The following CDH12 variants were observed in gnomAD, a reference collection of about 807,000 sequenced individuals.
CDH12 encodes cadherin-12.
In CDH12, 41 loss-of-function variants were observed where a neutral mutation model predicts 74.1. That is an observed-to-expected ratio of 0.55 (90% CI 0.43 to 0.72). CDH12 has a LOEUF of 0.72. Among genes scored for constraint, CDH12 ranks in the 30% least tolerant of loss-of-function variants. The pLI, the probability that CDH12 is intolerant of heterozygous loss-of-function variation, is 0.00. For synonymous variants in CDH12, 399 were observed against 355.0 expected, an observed-to-expected ratio of 1.12 and a Z score of -1.39; for missense variants, 945 against 977.2, an observed-to-expected ratio of 0.97 and a Z score of 0.44.
chr5:22,565,225 C>T (rs1032355990), intron 1 of CDH12, among the ~76,000 whole-genome samples: 5 of 152,142 alleles, frequency 3.3e-5, no homozygotes, highest in Admixed American at 2.6e-4. Context: ...TGAGCTACCA[C>T]GCCTGGCTTT....
intron 1 of CDH12, among the ~76,000 whole-genome samples, chr5:22,642,340 G>C (rs889856714): frequency 6.6e-6 from 1 of 152,142 alleles, no homozygotes; most frequent in African/African-American, 2.4e-5. Context: ...TAAATTATTT[G>C]AGGCAGTTTC....
At chr5:22,560,820 T>C (rs1028944070) in intron 1 of CDH12, among the ~76,000 whole-genome samples, 1 of 152,184 alleles carries the variant, frequency 6.6e-6, no homozygotes, top group Non-Finnish European at 1.5e-5. Flanking sequence ...GTGAAACTTC[T>C]AAGGATCAGA....
intron 1 of CDH12, among the ~76,000 whole-genome samples, chr5:22,612,663 T>A (rs1737470206): frequency 6.6e-6 from 1 of 152,150 alleles, no homozygotes; most frequent in African/African-American, 2.4e-5. Flanking sequence ...ATTTGGTATT[T>A]AAATTGACAG....
chr5:22,542,992 A>T (rs1483833917), intron 1 of CDH12, among the ~76,000 whole-genome samples: 1 of 152,214 alleles, frequency 6.6e-6, no homozygotes, highest in African/African-American at 2.4e-5. Flanking sequence ...AAAAAGTCAG[A>T]GAAAGCTCTG....
chr5:22,343,222 T>A (rs1400922775), intron 3 of CDH12, among the ~76,000 whole-genome samples: 4 of 150,892 alleles, frequency 2.7e-5, no homozygotes, highest in Non-Finnish European at 5.9e-5. Flanking sequence ...CAATCTTCCA[T>A]CCATCAGAAT....
intron 3 of CDH12, among the ~76,000 whole-genome samples, chr5:22,359,295 A>C (rs2150471855): frequency 6.6e-6 from 1 of 152,320 alleles, no homozygotes; most frequent in African/African-American, 2.4e-5. Context: ...CTCTGAAAAA[A>C]CAGATTTTAA....
chr5:21,880,623 CTTTCTT>C (rs1227757367), intron 6 of CDH12, among the ~76,000 whole-genome samples: 8 of 58,756 alleles, frequency 1.4e-4, no homozygotes, highest in Non-Finnish European at 3.4e-5. Flanking sequence ...TTCCTTCTTT[CTTTCTT>C]TCTTTCTTTC....
At chr5:22,644,353 C>T (rs1358671869) in intron 1 of CDH12, among the ~76,000 whole-genome samples, 1 of 152,010 alleles carries the variant, frequency 6.6e-6, no homozygotes, top group Admixed American at 6.6e-5. Flanking sequence ...TGCAAAACAG[C>T]CTTATTGCTA....
At chr5:22,567,910 A>C (rs1393669217) in intron 1 of CDH12, among the ~76,000 whole-genome samples, 1 of 152,190 alleles carries the variant, frequency 6.6e-6, no homozygotes, top group Non-Finnish European at 1.5e-5. Flanking sequence ...GCCCTGGTCA[A>C]TCCCAGTGTG....
chr5:22,096,926 C>T (rs1482616800), intron 4 of CDH12, among the ~76,000 whole-genome samples: 2 of 152,164 alleles, frequency 1.3e-5, no homozygotes, highest in Non-Finnish European at 2.9e-5. Flanking sequence ...CACAACAGGA[C>T]TTAACCTCAC....
intron 2 of CDH12, among the ~76,000 whole-genome samples, chr5:22,429,771 GACA>G (rs755567323): frequency 1.6e-4 from 24 of 151,878 alleles, no homozygotes; most frequent in Non-Finnish European, 2.9e-4. Context: ...CTGTCATCTT[GACA>G]ACATCTACAC....
intron 3 of CDH12, among the ~76,000 whole-genome samples, chr5:22,309,494 T>C (rs980894019): frequency 2.0e-5 from 3 of 152,126 alleles, no homozygotes; most frequent in African/African-American, 4.8e-5. Context: ...ATGTAGAACA[T>C]GATGTCTCGA....
intron 5 of CDH12, among the ~76,000 whole-genome samples, chr5:22,061,172 ATGTAGGAAATTTTCTTATGAAATTTC>A (rs1741163366): frequency 6.6e-6 from 1 of 152,192 alleles, no homozygotes. Flanking sequence ...GATATATGTT[ATGTAGGAAATTTTCTTATGAAATTTC>A]TGTGGGAAAT....
chr5:22,534,248 T>C lies in CDH12; in HGVS notation c.-522-28884A>G, dbSNP rs142027986. Among the ~76,000 whole-genome samples the C allele has an allele frequency of 7.3e-3, 1,109 of 152,122 alleles. 12 individuals carry two copies. The highest frequency in any genetic ancestry group is 0.025 in the African/African-American group (1,027 of 41,484). On this transcript the variant is annotated intron_variant, in intron 1 of 14. Coordinates refer to ENST00000382254, the MANE Select transcript of CDH12 (RefSeq NM_004061.5). ...TTATTGGGAAACAGGTGGTGTTTGG[T>C]TACATGAGTACGTTATTTAGTGGTG...
rs887127087 is a variant in CDH12, at chr5:22,628,937, T to TA, written c.-522-123574dup. Among the ~76,000 whole-genome samples, 64 of 134,182 alleles carry TA rather than the reference T, an allele frequency of 4.8e-4. 1 individual carries two copies. The highest frequency in any genetic ancestry group is 8.5e-4 in the African/African-American group (31 of 36,472). 88.0% of individuals were successfully genotyped at this position (134,182 alleles called of 152,430 possible). On this transcript the variant is annotated intron_variant, in intron 1 of 14. Coordinates refer to ENST00000382254, the MANE Select transcript of CDH12 (RefSeq NM_004061.5). ...GACATTACCACTGACCCCTCAGAAA[T>TA]AAAAAAAAAAAATCTCTCAGACACT...
intron 1 of CDH12, among the ~76,000 whole-genome samples, chr5:22,538,984 C>T (rs960919642): frequency 2.0e-5 from 3 of 152,184 alleles, no homozygotes; most frequent in African/African-American, 7.2e-5. Context: ...CAGCCTCAAA[C>T]TCCTGGGCTC....
intron 3 of CDH12, among the ~76,000 whole-genome samples, chr5:22,253,113 A>T (rs932544195): frequency 6.6e-6 from 1 of 151,976 alleles, no homozygotes; most frequent in Non-Finnish European, 1.5e-5. Flanking sequence ...TTATCTGTTG[A>T]ATTAAATGAA....
intron 4 of CDH12, among the ~76,000 whole-genome samples, chr5:22,209,950 C>T (rs1462111265): frequency 3.3e-5 from 5 of 151,488 alleles, no homozygotes; most frequent in East Asian, 3.9e-4. Context: ...TTACTGTGTG[C>T]CCTTGGCCCA....
intron 1 of CDH12, among the ~76,000 whole-genome samples, chr5:22,652,176 A>G (rs1046167370): frequency 1.3e-5 from 2 of 152,172 alleles, no homozygotes; most frequent in Non-Finnish European, 2.9e-5. Context: ...TAACAGTGTA[A>G]CAGTGTAGTG....
Sources: gnomAD v4.1 joint callset for allele counts (sites outside exome capture counted in the v4.1 genomes callset) on GRCh38, gnomAD v4.1.1 for gene constraint, MANE v1.5 for transcripts, NCBI Gene and HGNC (gene_info 2026-07-23, HGNC 2026-07-21) for gene names.